The following CREB1 variants were observed in gnomAD, a reference collection of about 807,000 sequenced individuals.
CREB1 encodes the protein cyclic AMP-responsive element-binding protein 1.
In CREB1, 2 loss-of-function variants were observed where a neutral mutation model predicts 42.0. The ratio of observed to expected loss-of-function variants is 0.05; its 90% CI spans 0.02 to 0.15. The LOEUF is 0.15. Ranked by LOEUF, CREB1 falls within the 10% of genes least tolerant of loss-of-function variation. The probability of loss-of-function intolerance (pLI) is 1.00; values close to 1 mark genes in which losing one functional copy is unlikely to be tolerated. For synonymous variants in CREB1, 123 were observed against 139.9 expected, an observed-to-expected ratio of 0.88 and a Z score of 0.85; for missense variants, 199 against 388.9, an observed-to-expected ratio of 0.51 and a Z score of 4.11.
intron 1 of CREB1, among the ~76,000 whole-genome samples, chr2:207,530,437 G>A (rs1384105578): frequency 6.9e-6 from 1 of 145,732 alleles, no homozygotes; most frequent in African/African-American, 2.5e-5. Flanking sequence ...GCGGCCGGGG[G>A]TGTGTGCGGG....
Position 207,603,095 on chromosome 2 carries a change from TA to T in CREB1, c.*6040del. ...GTTTCTATTGGAGTTGAATACTAAA[TA>T]AATAACTATAATGAGGGAAATACAT... is the stretch of plus-strand genomic sequence containing the variant. On this transcript the variant is annotated 3_prime_UTR_variant, in exon 8 of 8. Transcript: ENST00000353267. 1 of 210,658 alleles carries T rather than the reference TA, an allele frequency of 4.7e-6. No homozygotes were observed. Among genetic ancestry groups the T allele is most frequent in the Non-Finnish European group, 9.6e-6 (1 of 103,802 alleles). 13.0% of individuals were successfully genotyped at this position (210,658 alleles called of 1,614,324 possible).
intron 5 of CREB1, among the ~76,000 whole-genome samples, chr2:207,573,233 G>A (rs1428818630): frequency 6.6e-6 from 1 of 152,118 alleles, no homozygotes; most frequent in Non-Finnish European, 1.5e-5. Context: ...TTAATGAATT[G>A]TGTTTTATTG....
intron 2 of CREB1, 110 bp downstream of exon 2, chr2:207,555,859 C>T: frequency 1.6e-6 from 1 of 618,332 alleles, no homozygotes; most frequent in Admixed American, 2.9e-5. Context: ...CAGAGATACT[C>T]TTACAATATC....
intron 2 of CREB1, among the ~76,000 whole-genome samples, chr2:207,556,538 G>A (rs986225177): frequency 6.6e-6 from 1 of 152,176 alleles, no homozygotes; most frequent in Admixed American, 6.5e-5. Context: ...AAGTCACCTA[G>A]CAAGAATGAA....
chr2:207,591,675 C>T lies in CREB1; in HGVS notation c.840-5239C>T, dbSNP rs180705473. On this transcript the variant is annotated intron_variant, in intron 7 of 7. Transcript: ENST00000353267. ...CTCAAACTCCTGACCTCAAGTTATC[C>T]GCTCACCTCAGCCTCCCAAAGTGCT... is the stretch of plus-strand genomic sequence containing the variant. Among the ~76,000 whole-genome samples, 54 of 152,234 alleles carry T rather than the reference C, an allele frequency of 3.5e-4. No homozygotes were observed. The East Asian group carries it at 7.3e-3, about 21-fold the overall frequency.
chr2:207,556,953 A>G (rs2081750222), intron 2 of CREB1, among the ~76,000 whole-genome samples: 1 of 152,182 alleles, frequency 6.6e-6, no homozygotes, highest in East Asian at 1.9e-4. Context: ...CCTGGCCAAC[A>G]TGGTGAAACC....
At chr2:207,576,833 A>G (rs1271846995) in intron 6 of CREB1, 17 of 1,005,558 alleles carry the variant, frequency 1.7e-5, no homozygotes, top group Admixed American at 5.7e-5. Flanking sequence ...GCATATTATT[A>G]CGCTGTTTTT....
intron 1 of CREB1, among the ~76,000 whole-genome samples, chr2:207,554,583 C>T (rs1455737449): frequency 1.3e-5 from 2 of 152,180 alleles, no homozygotes; most frequent in Non-Finnish European, 2.9e-5. Flanking sequence ...CCAGAGATTT[C>T]TCTAACCTTG....
At chr2:207,530,433 G>A (rs2080550210) in intron 1 of CREB1, among the ~76,000 whole-genome samples, 4 of 145,702 alleles carry the variant, frequency 2.7e-5, no homozygotes, top group African/African-American at 7.4e-5. Context: ...GCCGGCGGCC[G>A]GGGGTGTGTG....
At chr2:207,533,944 G>A (rs1372615500) in intron 1 of CREB1, among the ~76,000 whole-genome samples, 1 of 152,150 alleles carries the variant, frequency 6.6e-6, no homozygotes, top group Non-Finnish European at 1.5e-5. Flanking sequence ...CTCAGCCTCA[G>A]TTTCCTTATA....
At chr2:207,568,349 T>C (rs1488116269) in intron 4 of CREB1, among the ~76,000 whole-genome samples, 1 of 152,138 alleles carries the variant, frequency 6.6e-6, no homozygotes, top group African/African-American at 2.4e-5. Flanking sequence ...CTAAGAAATT[T>C]TATATTACCA....
intron 1 of CREB1, among the ~76,000 whole-genome samples, chr2:207,548,133 A>G (rs1280186714): frequency 6.6e-6 from 1 of 152,026 alleles, no homozygotes; most frequent in African/African-American, 2.4e-5. Flanking sequence ...GGGTTTCACA[A>G]TGTTGGCCAG....
rs772427535 is a variant in CREB1, at chr2:207,570,302, A to G, written c.486A>G (p.Gln162=). ...TAACGGTGCCAACTCCAATTTACCA[A>G]ACTAGCAGTGGACAGTATAGTGAGT... The part of the protein sequence containing the change: ...TTVTVPTPIY[Q]TSSGQYIAIT... The change falls in exon 5 of 8, where the codon CAA becomes CAG. Residue 162 remains glutamine, a synonymous_variant. Transcript: ENST00000353267. 16 of 1,612,644 alleles carry G rather than the reference A, an allele frequency of 9.9e-6. No individual in the cohort carries two copies. The South Asian group carries it at 1.4e-4, about 14-fold the overall frequency.
chr2:207,584,085 G>C (rs1283568746), intron 7 of CREB1, among the ~76,000 whole-genome samples: 1 of 152,196 alleles, frequency 6.6e-6, no homozygotes, highest in East Asian at 1.9e-4. Context: ...TTTCATCCCA[G>C]TTATTTCCAG....
At chr2:207,573,220 G>A (rs1029121869) in intron 5 of CREB1, among the ~76,000 whole-genome samples, 2 of 151,966 alleles carry the variant, frequency 1.3e-5, no homozygotes, top group Admixed American at 1.3e-4. Flanking sequence ...TTTTATTTTT[G>A]TTTTAATGAA....
intron 1 of CREB1, among the ~76,000 whole-genome samples, chr2:207,539,590 A>G (rs1352334843): frequency 1.3e-5 from 2 of 152,356 alleles, no homozygotes; most frequent in South Asian, 2.1e-4. Flanking sequence ...GATATAAGCA[A>G]TAAAGCCTGA....
In CREB1 at chr2:207,574,630, T is replaced by TA. The variant is rs538465825; in HGVS notation, c.506-639dup. On this transcript the variant is annotated intron_variant, in intron 5 of 7. Coordinates refer to ENST00000353267, the MANE Select transcript of CREB1 (RefSeq NM_004379.5). ...TATTAAATAATTTAGAAATGACAGT[T>TA]AAAGTTTTTTTTCTAAATGATGATC... 4.6e-4 allele frequency among the ~76,000 whole-genome samples: 70 copies of TA among 152,312 alleles called. 1 individual carries two copies. Among genetic ancestry groups the TA allele is most frequent in the Non-Finnish European group, 7.8e-4 (53 of 68,020 alleles).
chr2:207,551,213 G>C (rs1191549284), intron 1 of CREB1, among the ~76,000 whole-genome samples: 1 of 152,144 alleles, frequency 6.6e-6, no homozygotes, highest in Non-Finnish European at 1.5e-5. Flanking sequence ...TGCTGAGGAA[G>C]CACTCATTTG....
chr2:207,532,789 T>C (rs1317144158), intron 1 of CREB1, among the ~76,000 whole-genome samples: 2 of 152,106 alleles, frequency 1.3e-5, no homozygotes, highest in Non-Finnish European at 2.9e-5. Context: ...TTGGCCCTTA[T>C]TGCCCAGGCT....
Sources: allele counts gnomAD v4.1 joint callset (sites outside exome capture counted in the v4.1 genomes callset), GRCh38; gene constraint gnomAD v4.1.1; transcripts MANE v1.5; gene names NCBI Gene and HGNC (gene_info 2026-07-23, HGNC 2026-07-21).